DLGAP1: variants seen among roughly 807,000 people sequenced by gnomAD.
The protein encoded by DLGAP1 is disks large-associated protein 1.
Under a neutral mutation model 90.8 loss-of-function variants are expected in DLGAP1, and 11 were observed. That is an observed-to-expected ratio of 0.12 (90% CI 0.08 to 0.20). DLGAP1 has a LOEUF of 0.20. Among genes scored for constraint, DLGAP1 ranks in the 10% least tolerant of loss-of-function variants. The pLI is 1.00. For missense variants in DLGAP1, 1,050 were observed against 1,333.8 expected, an observed-to-expected ratio of 0.79 and a Z score of 3.31; for synonymous variants, 558 against 540.7, an observed-to-expected ratio of 1.03 and a Z score of -0.44.
chr18:3,683,466 C>T (rs1017277753), intron 7 of DLGAP1, among the ~76,000 whole-genome samples: 9 of 152,136 alleles, frequency 5.9e-5, no homozygotes, highest in Non-Finnish European at 1.3e-4. Context: ...TAGAAAGCCT[C>T]CAAATCTATC....
At chr18:3,504,632 C>G (rs2050117112) in intron 11 of DLGAP1, among the ~76,000 whole-genome samples, 1 of 152,154 alleles carries the variant, frequency 6.6e-6, no homozygotes, top group South Asian at 2.1e-4. Flanking sequence ...GATCCTCCTG[C>G]CTCGACCTCC....
intron 3 of DLGAP1, among the ~76,000 whole-genome samples, chr18:3,999,931 C>A (rs2074147761): frequency 6.6e-6 from 1 of 152,170 alleles, no homozygotes; most frequent in Non-Finnish European, 1.5e-5. Flanking sequence ...CCTGCCTCAG[C>A]CTCCTAAACA....
chr18:3,820,243 C>T (rs1391416015), intron 4 of DLGAP1, among the ~76,000 whole-genome samples: 3 of 152,058 alleles, frequency 2.0e-5, no homozygotes, highest in East Asian at 1.9e-4. Flanking sequence ...CTTAGAAAGC[C>T]GGGACAGCTG....
At chr18:3,837,425 A>G (rs2068451465) in intron 4 of DLGAP1, among the ~76,000 whole-genome samples, 1 of 152,238 alleles carries the variant, frequency 6.6e-6, no homozygotes, top group Non-Finnish European at 1.5e-5. Flanking sequence ...GATATTATAA[A>G]TCCTACACTT....
intron 11 of DLGAP1, among the ~76,000 whole-genome samples, chr18:3,504,752 G>C (rs1157953309): frequency 1.3e-5 from 2 of 152,116 alleles, no homozygotes; most frequent in African/African-American, 4.8e-5. Flanking sequence ...GAATCTCTTT[G>C]CTCCCACATC....
At chr18:3,618,121 G>T (rs796723554) in intron 7 of DLGAP1, among the ~76,000 whole-genome samples, 2 of 152,320 alleles carry the variant, frequency 1.3e-5, no homozygotes, top group African/African-American at 4.8e-5. Context: ...AGTTTGACCA[G>T]AGTCTAACAA....
At chr18:3,860,993 C>T (rs1216827034) in intron 4 of DLGAP1, among the ~76,000 whole-genome samples, 1 of 152,176 alleles carries the variant, frequency 6.6e-6, no homozygotes, top group Non-Finnish European at 1.5e-5. Context: ...TGTTCAGATA[C>T]CTTTATGCTT....
At chr18:4,251,835 G>A (rs2078785769) in intron 1 of DLGAP1, among the ~76,000 whole-genome samples, 1 of 152,182 alleles carries the variant, frequency 6.6e-6, no homozygotes, top group Non-Finnish European at 1.5e-5. Flanking sequence ...TCTCTAAGAC[G>A]ACCTGAACTT....
At chr18:4,235,684 A>G (rs1453290593) in intron 1 of DLGAP1, among the ~76,000 whole-genome samples, 1 of 145,546 alleles carries the variant, frequency 6.9e-6, no homozygotes, top group Non-Finnish European at 1.5e-5. Context: ...GTCTGTCAAC[A>G]TGGTTTACAG....
intron 1 of DLGAP1, among the ~76,000 whole-genome samples, chr18:4,417,272 AT>A (rs2082921081): frequency 6.6e-6 from 1 of 152,186 alleles, no homozygotes; most frequent in South Asian, 2.1e-4. Context: ...TCACTAAAAT[AT>A]TTATCACTAA....
chr18:4,272,189 C>T (rs888933972), intron 1 of DLGAP1, among the ~76,000 whole-genome samples: 7 of 152,126 alleles, frequency 4.6e-5, no homozygotes, highest in Admixed American at 1.3e-4. Flanking sequence ...CTTAGAACTG[C>T]GTAATTCTTT....
At chr18:3,715,064 T>A (rs145213312) in intron 7 of DLGAP1, among the ~76,000 whole-genome samples, 20 of 152,342 alleles carry the variant, frequency 1.3e-4, no homozygotes, top group African/African-American at 4.8e-4. Flanking sequence ...TTTGGTACTC[T>A]TGTCCAAGGC....
At position 3,497,720 on chromosome 18, in the gene DLGAP1, G is replaced by T. The variant is rs367718762; in HGVS notation, c.*1465C>A. Reference sequence around the variant, plus strand: ...ACATCCTAAGTGTTTAAACTGTGACGAGTAAGGGCATTTAAAGACAACTTC... The same window carrying T: ...ACATCCTAAGTGTTTAAACTGTGACTAGTAAGGGCATTTAAAGACAACTTC... On this transcript the variant is annotated 3_prime_UTR_variant, in exon 13 of 13. Transcript: ENST00000315677. 1.3e-5 allele frequency: 2 copies of T among 152,194 alleles called. No homozygotes were observed. The highest frequency in any genetic ancestry group is 4.8e-5 in the African/African-American group (2 of 41,450). The allele number at this position is 152,194 out of a possible 1,614,324, so 9.4% of individuals were successfully genotyped here. A position where few individuals can be genotyped will look rare whatever the true frequency, so the allele number is the denominator to read the frequency against.
intron 10 of DLGAP1, among the ~76,000 whole-genome samples, chr18:3,520,196 A>T (rs1182342238): frequency 1.3e-5 from 2 of 151,618 alleles, no homozygotes; most frequent in Non-Finnish European, 2.9e-5. Context: ...CTCTACACCC[A>T]CTATTCCCAT....
At chr18:4,292,868 T>C (rs1210012277) in intron 1 of DLGAP1, among the ~76,000 whole-genome samples, 2 of 152,190 alleles carry the variant, frequency 1.3e-5, no homozygotes, top group African/African-American at 4.8e-5. Context: ...CAGTATGTGA[T>C]TGATACCTAG....
At chr18:4,269,199 A>T (rs953940056) in intron 1 of DLGAP1, among the ~76,000 whole-genome samples, 3 of 151,464 alleles carry the variant, frequency 2.0e-5, no homozygotes, top group Admixed American at 2.0e-4. Flanking sequence ...CGCCAGCCTG[A>T]TCTTTCCATA....
rs897186448 is a variant in DLGAP1 at position 3,991,215 on chromosome 18, A to G, written c.-73+13901T>C. Among the ~76,000 whole-genome samples the G allele has an allele frequency of 5.3e-5, 8 of 152,146 alleles. No individual in the cohort carries two copies. In the East Asian group the frequency reaches 1.3e-3, roughly 26 times the overall value. On this transcript the variant is annotated intron_variant, in intron 3 of 12. Transcript: ENST00000315677. ...AAAAGACCTCATTTCCTGTATCTCT[A>G]AAGCACAAGCCCATTCTGAGATTTT...
At chr18:4,267,799 G>C (rs2079163754) in intron 1 of DLGAP1, among the ~76,000 whole-genome samples, 2 of 152,284 alleles carry the variant, frequency 1.3e-5, no homozygotes, top group South Asian at 4.1e-4. Context: ...GTTGACAAGA[G>C]GCTTCACTTC....
intron 1 of DLGAP1, among the ~76,000 whole-genome samples, chr18:4,422,820 C>T (rs2083070441): frequency 6.6e-6 from 1 of 151,974 alleles, no homozygotes; most frequent in Non-Finnish European, 1.5e-5. Context: ...AAAAGCGAGC[C>T]TACAGTTGTC....
Sources: allele counts gnomAD v4.1 joint callset (sites outside exome capture counted in the v4.1 genomes callset), GRCh38; gene constraint gnomAD v4.1.1; transcripts MANE v1.5; gene names NCBI Gene and HGNC (gene_info 2026-07-23, HGNC 2026-07-21).